Variants in CLBA1 observed in about 807,000 individuals in gnomAD.
The protein encoded by CLBA1 is clathrin binding box of aftiphilin containing 1.
In CLBA1, 30 loss-of-function variants were observed where a neutral mutation model predicts 28.8. The ratio of observed to expected loss-of-function variants is 1.04; its 90% CI spans 0.78 to 1.41. The LOEUF is 1.41. CLBA1 is among the 40% of genes most tolerant of loss of function. The probability of loss-of-function intolerance (pLI) is 0.00; values close to 1 mark genes in which losing one functional copy is unlikely to be tolerated. For missense variants in CLBA1, 451 were observed against 412.3 expected (o/e 1.09, Z -0.81); for synonymous variants, 160 against 152.8 (o/e 1.05, Z -0.35).
At chr14:104,991,972 ACACACGCCT>A (rs1566933322) in intron 3 of CLBA1, among the ~76,000 whole-genome samples, 3 of 115,150 alleles carry the variant, frequency 2.6e-5, no homozygotes, top group Non-Finnish European at 3.6e-5. Context: ...ACGCCGCCAC[ACACACGCCT>A]CACACGCCGC....
chr14:104,989,860 GGACTTTCA>G, intron 2 of CLBA1: 1 of 383,530 alleles, frequency 2.6e-6, no homozygotes, highest in Admixed American at 2.8e-5. Context: ...GAGCAGGCCT[GGACTTTCA>G]GAGAGCTCTG....
rs1900020470 is a variant in CLBA1, at chr14:104,991,535, C to T, written c.614C>T (p.Thr205Ile). 1 of 1,613,960 alleles carries T rather than the reference C, an allele frequency of 6.2e-7. No homozygotes were observed. Among genetic ancestry groups the T allele is most frequent in the African/African-American group, 1.3e-5 (1 of 74,936 alleles). Residue 205 changes from threonine to isoleucine, a missense_variant, in exon 3 of 5, where the codon ACC (threonine) becomes ATC (isoleucine). Coordinates refer to ENST00000547315, the MANE Select transcript of CLBA1 (RefSeq NM_174891.4). Reference sequence around the variant, plus strand: ...TGGAGAGCCCTTCAGAGCATACACACCACGTCTACTTCTCAGCGCCTCTGG... The same window carrying T: ...TGGAGAGCCCTTCAGAGCATACACATCACGTCTACTTCTCAGCGCCTCTGG... ...KLWRALQSIHTTSTSQRLWSE... is the reference protein window; with the variant it reads ...KLWRALQSIHITSTSQRLWSE...
downstream of CLBA1, among the ~76,000 whole-genome samples, chr14:104,996,231 CACTAG>C (rs1900152800): frequency 6.6e-6 from 1 of 152,198 alleles, no homozygotes; most frequent in African/African-American, 2.4e-5. Context: ...CTGTGGCACC[CACTAG>C]AGAAGAGAGG....
At position 104,991,634 on chromosome 14, in the gene CLBA1, G is replaced by T. The variant is rs751270668; in HGVS notation, c.699+14G>T. The T allele has an allele frequency of 6.2e-7, 1 of 1,601,254 alleles. No homozygotes were observed. Among genetic ancestry groups the T allele is most frequent in the Non-Finnish European group, 8.5e-7 (1 of 1,173,312 alleles). ...GCTGCGCAGAAGGTAGGCGGTTTGG[G>T]TTGACACAGGGCTCCTGGGAGTGTG... is the stretch of plus-strand genomic sequence containing the variant. On this transcript the variant is annotated intron_variant, in intron 3 of 4. Transcript: ENST00000547315.
chr14:104,991,648 C>G, intron 3 of CLBA1, 28 bp downstream of exon 3: 1 of 1,584,870 alleles, frequency 6.3e-7, no homozygotes, highest in Non-Finnish European at 8.6e-7. Context: ...ACACAGGGCT[C>G]CTGGGAGTGT....
At chr14:104,993,311 G>T (rs1259703099) in intron 4 of CLBA1, 2 of 985,436 alleles carry the variant, frequency 2.0e-6, no homozygotes, top group South Asian at 4.7e-5. Context: ...GATATGGGTG[G>T]GTCACGCAGG....
chr14:104,989,199 G>A (rs867363303), intron 2 of CLBA1, 111 bp downstream of exon 2: 19 of 1,091,166 alleles, frequency 1.7e-5, no homozygotes, highest in Non-Finnish European at 2.2e-5. Context: ...CATCTCTCCT[G>A]AGGTCCCTGC....
rs1330479498 is a variant in CLBA1, at chr14:104,986,499, C to A, written c.68C>A (p.Ser23Tyr). Reference sequence around the variant, plus strand: ...CTCCAGGAGGAAGCAGCCAGCGCTTCCCTCCGAGTGGCACCTGAGAGGCTG... The same window carrying A: ...CTCCAGGAGGAAGCAGCCAGCGCTTACCTCCGAGTGGCACCTGAGAGGCTG... ...SDLQEEAASA[S>Y]LRVAPERLSD... Residue 23 changes from serine (S) to tyrosine (Y), a missense_variant, in exon 1 of 5, where the codon TCC becomes TAC. Physicochemically the swap from Ser to Tyr is moderately radical, Grantham distance 144. Coordinates refer to ENST00000547315, the MANE Select transcript of CLBA1 (RefSeq NM_174891.4). The A allele has an allele frequency of 6.2e-7, 1 of 1,613,690 alleles. No individual in the cohort carries two copies. The highest frequency in any genetic ancestry group is 1.7e-5 in the Admixed American group (1 of 60,028).
intron 4 of CLBA1, chr14:104,993,814 C>T (rs1202247539): frequency 1.1e-5 from 11 of 985,258 alleles, no homozygotes; most frequent in South Asian, 4.7e-5. Context: ...GTGGGAGGGG[C>T]GCATGGGCGG....
Position 104,986,786 on chromosome 14 carries a change from T to A in CLBA1, c.355T>A (p.Cys119Ser), listed in dbSNP as rs1025543582. The A allele has an allele frequency of 6.2e-7, 1 of 1,610,490 alleles. No individual in the cohort carries two copies. Among genetic ancestry groups the A allele is most frequent in the Non-Finnish European group, 8.5e-7 (1 of 1,179,534 alleles). The change falls in exon 1 of 5, where the codon TGC (cysteine) becomes AGC (serine). Residue 119 changes from cysteine to serine, a missense_variant. Cys to Ser is a moderately radical substitution (Grantham distance 112). Transcript: ENST00000547315. ...PPRTTSAPKE[C>S]SSHQPCQGGP... Reference sequence around the variant, plus strand: ...GAGAACCACTTCTGCCCCAAAAGAGTGCAGTTCTCACCAACCATGCCAGGG... The same window carrying A: ...GAGAACCACTTCTGCCCCAAAAGAGAGCAGTTCTCACCAACCATGCCAGGG...
intron 1 of CLBA1, among the ~76,000 whole-genome samples, chr14:104,987,981 ACT>A (rs1899914076): frequency 6.6e-6 from 1 of 151,680 alleles, no homozygotes; most frequent in African/African-American, 2.4e-5. Flanking sequence ...GATGAGATCC[ACT>A]CTTAATAGAG....
intron 1 of CLBA1, among the ~76,000 whole-genome samples, chr14:104,987,734 TAGCCTCCTG>T (rs1376932984): frequency 6.8e-6 from 1 of 147,742 alleles, no homozygotes; most frequent in Non-Finnish European, 1.5e-5. Flanking sequence ...TCTCCTGCCT[TAGCCTCCTG>T]AGTAGCTGGG....
At chr14:104,991,301 G>T (rs773390843) in intron 2 of CLBA1, 190 bp from the exon 3 acceptor site, 7 of 524,958 alleles carry the variant, frequency 1.3e-5, no homozygotes, top group Non-Finnish European at 2.3e-5. Context: ...TGGGATTACA[G>T]GCGTGAGCCA....
At position 104,985,818 on chromosome 14, in the gene CLBA1, C is replaced by A. The variant is rs1027209401; in HGVS notation, c.-614C>A. ...ACGGGGCGGCGCAGGCAGGAGGGAACGGCTGGTTGCAGGTTTCTCTCGCCC... is the reference window on the plus strand; with the variant it reads ...ACGGGGCGGCGCAGGCAGGAGGGAAAGGCTGGTTGCAGGTTTCTCTCGCCC... On this transcript the variant is annotated 5_prime_UTR_variant, in exon 1 of 5. Coordinates refer to ENST00000547315, the MANE Select transcript of CLBA1 (RefSeq NM_174891.4). 1.4e-4 allele frequency: 43 copies of A among 302,530 alleles called. No individual in the cohort carries two copies. The highest frequency in any genetic ancestry group is 6.7e-4 in the Admixed American group (16 of 23,946). The allele number at this position is 302,530 out of a possible 1,614,324, so 18.7% of individuals were successfully genotyped here. A position where few individuals can be genotyped will look rare whatever the true frequency, so the allele number is the denominator to read the frequency against.
At chr14:104,998,515 G>C (rs143384181), downstream of CLBA1, among the ~76,000 whole-genome samples, 1 of 152,174 alleles carries the variant, frequency 6.6e-6, no homozygotes, top group African/African-American at 2.4e-5. Flanking sequence ...CGATGTTGCC[G>C]TGCTGGTTTT....
chr14:104,990,398 T>C (rs1413710088), intron 2 of CLBA1: 1 of 152,090 alleles, frequency 6.6e-6, no homozygotes, highest in Non-Finnish European at 1.5e-5. Flanking sequence ...CTCCTAGGCT[T>C]AAGCGATCTT....
chr14:105,000,286 C>CT (rs1306765939), downstream of CLBA1, among the ~76,000 whole-genome samples: 2 of 148,752 alleles, frequency 1.3e-5, no homozygotes, highest in South Asian at 4.2e-4. Context: ...TTCTTTCTTT[C>CT]TTTCTTTTTT....
rs1253342432 is a variant in CLBA1, at chr14:104,991,555, C to G, written c.634C>G (p.Leu212Val). ...SIHTTSTSQR[L>V]WSESRCQENF... ...ACACACCACGTCTACTTCTCAGCGC[C>G]TCTGGAGCGAGTCCCGTTGCCAGGA... is the stretch of plus-strand genomic sequence containing the variant. Residue 212 changes from leucine (L) to valine (V), a missense_variant, in exon 3 of 5, where the codon CTC becomes GTC. Physicochemically the swap from Leu to Val is conservative, Grantham distance 32. Transcript: ENST00000547315. 6.2e-7 allele frequency: 1 copy of G among 1,613,988 alleles called. No individual in the cohort carries two copies. The highest frequency in any genetic ancestry group is 1.1e-5 in the South Asian group (1 of 91,058).
At chr14:104,991,325 G>A (rs932312478) in intron 2 of CLBA1, 166 bp from the exon 3 acceptor site, 7 of 712,036 alleles carry the variant, frequency 9.8e-6, no homozygotes, top group South Asian at 7.2e-5. Context: ...TGCCCAGCCC[G>A]GGAACACTGT....
Sources: gnomAD v4.1 joint callset for allele counts (sites outside exome capture counted in the v4.1 genomes callset) on GRCh38, gnomAD v4.1.1 for gene constraint, MANE v1.5 for transcripts, NCBI Gene and HGNC (gene_info 2026-07-23, HGNC 2026-07-21) for gene names.